SSH2: variants seen among roughly 807,000 people sequenced by gnomAD.
SSH2 encodes slingshot protein phosphatase 2.
In SSH2, 37 loss-of-function variants were observed where a neutral mutation model predicts 135.2. That is an observed-to-expected ratio of 0.27 (90% CI 0.21 to 0.36). The LOEUF (loss-of-function observed/expected upper bound fraction) is 0.36, where lower values mean the gene tolerates loss of function less well. SSH2 is among the 10% of genes least tolerant of loss of function. SSH2 has a pLI of 1.00. For missense variants in SSH2, 1,408 were observed against 1,765.3 expected (o/e 0.80, Z 3.63); for synonymous variants, 628 against 646.2 (o/e 0.97, Z 0.43).
chr17:29,846,645 T>G (rs2043137398), intron 2 of SSH2, among the ~76,000 whole-genome samples: 1 of 152,234 alleles, frequency 6.6e-6, no homozygotes, highest in Non-Finnish European at 1.5e-5. Context: ...TCATCAACAC[T>G]GAATGAAATG....
At chr17:29,777,808 A>AAC (rs2041740573) in intron 3 of SSH2, 1 of 152,660 alleles carries the variant, frequency 6.6e-6, no homozygotes, top group Non-Finnish European at 1.5e-5. Context: ...AAAAAAAAAA[A>AAC]AAAAAAACCT....
In SSH2 at chr17:29,631,912, G is replaced by A. The variant is rs753882602; in HGVS notation, c.3282C>T (p.Asn1094=). 23 of 1,614,082 alleles carry A rather than the reference G, an allele frequency of 1.4e-5. No individual in the cohort carries two copies. The South Asian group carries it at 2.2e-4, about 15-fold the overall frequency. The stretch of plus-strand genomic sequence containing the variant: ...GCACTTGGGGGTGCAGAGAAACCTG[G>A]TTGGGGTCCAGAGTCCTGTTTAGAT... ...DENLNRTLDP[N]QVSLHPQVLP... Residue 1094 remains asparagine, a synonymous_variant, in exon 16 of 16, where the codon AAC becomes AAT. Coordinates refer to ENST00000540801, the MANE Select transcript of SSH2 (RefSeq NM_001282129.2).
chr17:29,720,916 C>CTT (rs1663059538), intron 3 of SSH2, among the ~76,000 whole-genome samples: 1 of 152,328 alleles, frequency 6.6e-6, no homozygotes, highest in African/African-American at 2.4e-5. Context: ...GTTTCCTAGT[C>CTT]TTTTCCCCTT....
In SSH2 at chr17:29,706,014, C is replaced by T. The variant is rs564872610; in HGVS notation, c.189-2952G>A. On this transcript the variant is annotated intron_variant, in intron 3 of 15. Transcript: ENST00000540801. ...TTTGTGCATCACTGTAGCTGCAGCA[C>T]TGGAAATAGTCTAAGGCACGTATTA... Among the ~76,000 whole-genome samples, 8 of 152,258 alleles carry T rather than the reference C, an allele frequency of 5.3e-5. No individual in the cohort carries two copies. In the South Asian group the frequency reaches 1.5e-3, roughly 28 times the overall value.
At chr17:29,642,371 T>C (rs1805221870) in intron 14 of SSH2, among the ~76,000 whole-genome samples, 1 of 152,032 alleles carries the variant, frequency 6.6e-6, no homozygotes, top group Admixed American at 6.6e-5. Context: ...CCACCCAGGT[T>C]TTTTTCCTTG....
At chr17:29,715,196 C>T (rs1445656154) in intron 3 of SSH2, among the ~76,000 whole-genome samples, 1 of 150,904 alleles carries the variant, frequency 6.6e-6, no homozygotes, top group Non-Finnish European at 1.5e-5. Context: ...CTATCAACCT[C>T]CTTTTGGCTT....
intron 1 of SSH2, among the ~76,000 whole-genome samples, chr17:29,889,463 C>G (rs912881167): frequency 5.3e-5 from 8 of 151,634 alleles, no homozygotes; most frequent in Non-Finnish European, 8.8e-5. Context: ...AAACAAAAAA[C>G]CAAAAAACTC....
At chr17:29,905,418 A>G (rs1309304851) in intron 1 of SSH2, among the ~76,000 whole-genome samples, 1 of 152,172 alleles carries the variant, frequency 6.6e-6, no homozygotes, top group Non-Finnish European at 1.5e-5. Context: ...CTGGGGCTGC[A>G]TGCTCCAAGA....
intron 3 of SSH2, among the ~76,000 whole-genome samples, chr17:29,708,993 A>AATATATAT (rs374708601): frequency 0.021 from 1,406 of 65,634 alleles, 32 homozygotes; most frequent in Middle Eastern, 0.037. Context: ...CTAGTTAAGA[A>AATATATAT]ATATATATAT....
intron 3 of SSH2, among the ~76,000 whole-genome samples, chr17:29,706,860 T>G (rs941004712): frequency 2.0e-5 from 3 of 152,142 alleles, no homozygotes; most frequent in Middle Eastern, 3.2e-3. Context: ...AACACTATTT[T>G]AAGAACTTCC....
intron 1 of SSH2, among the ~76,000 whole-genome samples, chr17:29,912,053 G>A (rs1042900065): frequency 5.9e-5 from 9 of 152,152 alleles, no homozygotes; most frequent in Non-Finnish European, 1.0e-4. Flanking sequence ...GTTCTGGTAG[G>A]AGACTTAAAG....
In SSH2 at chr17:29,718,732, C is replaced by CAAA. The variant is rs752148237; in HGVS notation, c.189-15673_189-15671dup. 2.0e-3 allele frequency among the ~76,000 whole-genome samples: 151 copies of CAAA among 77,288 alleles called. 18 individuals are homozygous for CAAA. Among genetic ancestry groups the CAAA allele is most frequent in the Middle Eastern group, 7.5e-3 (1 of 134 alleles). The allele number at this position is 77,288 out of a possible 152,430, so 50.7% of individuals were successfully genotyped here. A position where few individuals can be genotyped will look rare whatever the true frequency, so the allele number is the denominator to read the frequency against. ...TGGGCGACAAAGCAAGATTTCACCT[C>CAAA]AAAAAAAAAAAAAAAAAAAAAAAAA... On this transcript the variant is annotated intron_variant, in intron 3 of 15. Transcript: ENST00000540801.
intron 3 of SSH2, among the ~76,000 whole-genome samples, chr17:29,725,458 C>T (rs1273823420): frequency 6.7e-6 from 1 of 149,754 alleles, no homozygotes; most frequent in Non-Finnish European, 1.5e-5. Flanking sequence ...TGTATGTTTA[C>T]TGCAGCTACA....
At chr17:29,641,059 G>A (rs765472374) in intron 14 of SSH2, among the ~76,000 whole-genome samples, 4 of 152,154 alleles carry the variant, frequency 2.6e-5, no homozygotes, top group African/African-American at 4.8e-5. Flanking sequence ...ATAGGCATGC[G>A]CCACCATGCC....
intron 15 of SSH2, 38 bp from the exon 16 acceptor site, chr17:29,632,969 G>A (rs1392378673): frequency 1.3e-6 from 2 of 1,531,156 alleles, no homozygotes; most frequent in Admixed American, 2.0e-5. Flanking sequence ...ATGGCAAACT[G>A]TAGTCTAATT....
intron 3 of SSH2, among the ~76,000 whole-genome samples, chr17:29,779,076 A>C (rs1031618541): frequency 3.9e-5 from 6 of 152,106 alleles, no homozygotes; most frequent in African/African-American, 1.4e-4. Context: ...CTAGATTGGA[A>C]AGATATACCT....
intron 6 of SSH2, among the ~76,000 whole-genome samples, chr17:29,683,243 C>A (rs1567874144): frequency 6.6e-6 from 1 of 152,162 alleles, no homozygotes. Context: ...GCGTAAAGAT[C>A]TGCTTAGCAG....
Position 29,930,093 on chromosome 17 carries a change from G to T in SSH2, c.-93C>A. 1 of 1,062,096 alleles carries T rather than the reference G, an allele frequency of 9.4e-7. No homozygotes were observed. The allele number at this position is 1,062,096 out of a possible 1,614,324, so 65.8% of individuals were successfully genotyped here. A position where few individuals can be genotyped will look rare whatever the true frequency, so the allele number is the denominator to read the frequency against. On this transcript the variant is annotated 5_prime_UTR_variant, in exon 1 of 16. Coordinates refer to ENST00000540801, the MANE Select transcript of SSH2 (RefSeq NM_001282129.2). ...GAGCCGGGATGGGGAAAGGGGTGCGGGGTGGGGGTGAAGGGAACGGGGAGG... is the reference window on the plus strand; with the variant it reads ...GAGCCGGGATGGGGAAAGGGGTGCGTGGTGGGGGTGAAGGGAACGGGGAGG...
chr17:29,652,950 C>T (rs1375617383), intron 12 of SSH2, among the ~76,000 whole-genome samples: 1 of 152,178 alleles, frequency 6.6e-6, no homozygotes, highest in Admixed American at 6.6e-5. Context: ...ACCACCTTGC[C>T]CGGCCTCCTT....
Sources: gnomAD v4.1 joint callset for allele counts (sites outside exome capture counted in the v4.1 genomes callset) on GRCh38, gnomAD v4.1.1 for gene constraint, MANE v1.5 for transcripts, NCBI Gene and HGNC (gene_info 2026-07-23, HGNC 2026-07-21) for gene names.